Variants in DHRSX observed in about 807,000 individuals in gnomAD.
DHRSX encodes the protein dehydrogenase/reductase X-linked, also known as polyprenol dehydrogenase.
DHRSX carries 31 observed loss-of-function variants against 34.0 expected under a neutral mutation model. The ratio of observed to expected loss-of-function variants is 0.91; its 90% CI spans 0.69 to 1.23. The LOEUF is 1.23. Ranked by LOEUF, DHRSX falls within the 50% of genes most tolerant of loss-of-function variation. The probability of loss-of-function intolerance (pLI) is 0.00; values close to 1 mark genes in which losing one functional copy is unlikely to be tolerated. For synonymous variants in DHRSX, 201 were observed against 183.8 expected (o/e 1.09, Z -0.76); for missense variants, 414 against 428.1 (o/e 0.97, Z 0.29).
At chrX:2,246,748 G>GAAAGA (rs776138629) in intron 5 of DHRSX, among the ~76,000 whole-genome samples, 4 of 103,778 alleles carry the variant, frequency 3.9e-5, no homozygotes, top group Admixed American at 9.6e-5. Context: ...AAGAAAGAAA[G>GAAAGA]AAAAAGAAAG....
chrX:2,258,113 C>A (rs900698789), intron 5 of DHRSX, among the ~76,000 whole-genome samples: 10 of 151,850 alleles, frequency 6.6e-5, no homozygotes, highest in East Asian at 5.8e-4. Context: ...TGAGGAGGAA[C>A]CAGCCCTGCT....
At chrX:2,495,785 T>TG (rs895917588) in intron 1 of DHRSX, among the ~76,000 whole-genome samples, 5 of 150,964 alleles carry the variant, frequency 3.3e-5, no homozygotes, top group African/African-American at 4.9e-5. Flanking sequence ...GAGGGGGGTT[T>TG]GGGGGGGACA....
chrX:2,325,544 C>G (rs1437178167), intron 3 of DHRSX, among the ~76,000 whole-genome samples: 1 of 152,100 alleles, frequency 6.6e-6, no homozygotes, highest in Non-Finnish European at 1.5e-5. Context: ...AACTACAAAG[C>G]CCATTTGCAT....
At chrX:2,391,340 A>C (rs1377061355) in intron 3 of DHRSX, among the ~76,000 whole-genome samples, 1 of 152,196 alleles carries the variant, frequency 6.6e-6, no homozygotes, top group African/African-American at 2.4e-5. Context: ...AGGTTCCTTC[A>C]AGACAGAATA....
chrX:2,355,578 A>ATTACTT (rs1028257045), intron 3 of DHRSX, among the ~76,000 whole-genome samples: 1 of 151,552 alleles, frequency 6.6e-6, no homozygotes, highest in Non-Finnish European at 1.5e-5. Context: ...AAAAACAGCA[A>ATTACTT]TTACTTTTGC....
Position 2,455,741 on chromosome X carries a change from CAA to C in DHRSX, c.110-30439_110-30438del, listed in dbSNP as rs752123891. Reference sequence around the variant, plus strand: ...TGGCGACAAGAACAAAACTTCGTCTCAAAAAAAAAAAAAAAAAAAACAATAAA... The same window carrying C: ...TGGCGACAAGAACAAAACTTCGTCTCAAAAAAAAAAAAAAAAAACAATAAA... On this transcript the variant is annotated intron_variant, in intron 1 of 6. Coordinates refer to ENST00000334651, the MANE Select transcript of DHRSX (RefSeq NM_145177.3). Among the ~76,000 whole-genome samples the C allele has an allele frequency of 8.0e-3, 476 of 59,784 alleles. 3 individuals are homozygous for C. Among genetic ancestry groups the C allele is most frequent in the African/African-American group, 0.03 (455 of 15,212 alleles). The allele number at this position is 59,784 out of a possible 152,430, so 39.2% of individuals were successfully genotyped here. A position where few individuals can be genotyped will look rare whatever the true frequency, so the allele number is the denominator to read the frequency against.
chrX:2,397,940 A>G (rs2043433771), intron 3 of DHRSX, among the ~76,000 whole-genome samples: 1 of 150,136 alleles, frequency 6.7e-6, no homozygotes, highest in African/African-American at 2.5e-5. Context: ...GCACACACAC[A>G]CACACACACA....
chrX:2,303,451 C>A (rs2042038003), intron 3 of DHRSX, among the ~76,000 whole-genome samples: 1 of 152,092 alleles, frequency 6.6e-6, no homozygotes. Context: ...AGCACCTCCC[C>A]TCCACTCTTG....
chrX:2,401,726 CG>C (rs2043488448), intron 3 of DHRSX, among the ~76,000 whole-genome samples: 1 of 152,204 alleles, frequency 6.6e-6, no homozygotes, highest in African/African-American at 2.4e-5. Context: ...GGAGGAGTTT[CG>C]GTAAGTGAAT....
At chrX:2,252,387 A>G (rs193286753) in intron 5 of DHRSX, among the ~76,000 whole-genome samples, 76 of 152,284 alleles carry the variant, frequency 5.0e-4, no homozygotes, top group African/African-American at 1.8e-3. Flanking sequence ...AAACTTCTCC[A>G]ATCTCCTCAC....
intron 1 of DHRSX, among the ~76,000 whole-genome samples, chrX:2,431,543 G>A (rs1487145281): frequency 6.6e-6 from 1 of 151,988 alleles, no homozygotes; most frequent in African/African-American, 2.4e-5. Context: ...AGGAAGACAT[G>A]GTGCATCTAT....
chrX:2,283,174 G>A (rs1164979528), intron 4 of DHRSX, among the ~76,000 whole-genome samples: 2 of 151,994 alleles, frequency 1.3e-5, no homozygotes, highest in African/African-American at 2.4e-5. Flanking sequence ...AGTCCAGGGA[G>A]GCTATGGGAC....
At chrX:2,481,074 G>A (rs977143297) in intron 1 of DHRSX, among the ~76,000 whole-genome samples, 4 of 152,070 alleles carry the variant, frequency 2.6e-5, no homozygotes, top group African/African-American at 9.7e-5. Context: ...TAATTAGCTT[G>A]ATTATTGATA....
At chrX:2,483,809 A>G (rs1221522579) in intron 1 of DHRSX, among the ~76,000 whole-genome samples, 1 of 142,542 alleles carries the variant, frequency 7.0e-6, no homozygotes, top group Non-Finnish European at 1.5e-5. Flanking sequence ...AAAAAAAAAA[A>G]GTAGTTTCAA....
chrX:2,495,909 C>A (rs924554213), intron 1 of DHRSX, among the ~76,000 whole-genome samples: 2 of 152,084 alleles, frequency 1.3e-5, no homozygotes, highest in African/African-American at 4.8e-5. Flanking sequence ...TCGCAAGAGA[C>A]CAGTGTGAAG....
intron 5 of DHRSX, among the ~76,000 whole-genome samples, chrX:2,256,015 C>T (rs866191800): frequency 1.1e-4 from 16 of 139,978 alleles, no homozygotes; most frequent in African/African-American, 4.2e-4. Flanking sequence ...ATGTGTCCCT[C>T]TTTTTTTTTT....
intron 3 of DHRSX, among the ~76,000 whole-genome samples, chrX:2,393,292 A>C (rs2043357358): frequency 6.6e-6 from 1 of 152,162 alleles, no homozygotes; most frequent in African/African-American, 2.4e-5. Context: ...AAATGTCTAG[A>C]CATTGACCAT....
intron 3 of DHRSX, among the ~76,000 whole-genome samples, chrX:2,296,006 C>G (rs950999144): frequency 6.6e-6 from 1 of 152,036 alleles, no homozygotes; most frequent in African/African-American, 2.4e-5. Flanking sequence ...ACTTGGGGAT[C>G]GTAAACGCAA....
chrX:2,370,225 G>A (rs775193243), intron 3 of DHRSX, among the ~76,000 whole-genome samples: 96 of 151,950 alleles, frequency 6.3e-4, no homozygotes, highest in African/African-American at 2.3e-3. Flanking sequence ...AGGCTGGAGT[G>A]CAGTGGCGCA....
Sources: allele counts gnomAD v4.1 joint callset (sites outside exome capture counted in the v4.1 genomes callset), GRCh38; gene constraint gnomAD v4.1.1; transcripts MANE v1.5; gene names NCBI Gene and HGNC (gene_info 2026-07-23, HGNC 2026-07-21).